The following DNAJB6 variants were observed in gnomAD, a reference collection of about 807,000 sequenced individuals.
DNAJB6 encodes the protein DnaJ heat shock protein family (Hsp40) member B6.
Under a neutral mutation model 42.7 loss-of-function variants are expected in DNAJB6, and 16 were observed. The observed-to-expected ratio is 0.37, with a 90% CI of 0.25 to 0.57. DNAJB6 has a LOEUF of 0.57. Ranked by LOEUF, DNAJB6 falls within the 20% of genes least tolerant of loss-of-function variation. DNAJB6 has a pLI of 0.74. For missense variants in DNAJB6, 347 were observed against 416.8 expected (o/e 0.83, Z 1.46); for synonymous variants, 170 against 163.5 (o/e 1.04, Z -0.30).
At chr7:157,398,614 G>C (rs887763949) in intron 8 of DNAJB6, among the ~76,000 whole-genome samples, 15 of 152,254 alleles carry the variant, frequency 9.9e-5, no homozygotes, top group Admixed American at 8.5e-4. Context: ...GTGTGTTTTT[G>C]GCTTGAGGGG....
intron 8 of DNAJB6, among the ~76,000 whole-genome samples, chr7:157,394,499 A>C (rs1801492643): frequency 6.6e-6 from 1 of 151,672 alleles, no homozygotes; most frequent in South Asian, 2.1e-4. Context: ...ACTGCACTCC[A>C]GTCTGGTGAT....
At chr7:157,369,437 C>T (rs1222862284) in intron 5 of DNAJB6, 1 of 456,432 alleles carries the variant, frequency 2.2e-6, no homozygotes, top group Non-Finnish European at 4.4e-6. Flanking sequence ...AGAAGGCCCG[C>T]TCTTCCAACA....
chr7:157,396,996 T>C (rs1801618349), intron 8 of DNAJB6, among the ~76,000 whole-genome samples: 2 of 152,316 alleles, frequency 1.3e-5, no homozygotes, highest in South Asian at 4.1e-4. Context: ...TGTGCCTCAC[T>C]CCAGGTCCTC....
At chr7:157,342,029 G>C in intron 1 of DNAJB6, among the ~76,000 whole-genome samples, 2 of 152,140 alleles carry the variant, frequency 1.3e-5, no homozygotes, top group South Asian at 4.2e-4. Flanking sequence ...ACTACACCTG[G>C]CTAATTGTTG....
Position 157,409,900 on chromosome 7 carries a change from C to T in DNAJB6, c.797C>T (p.Ala266Val). The T allele has an allele frequency of 2.0e-6, 3 of 1,534,480 alleles. No individual in the cohort carries two copies. Among genetic ancestry groups the T allele is most frequent in the East Asian group, 2.4e-5 (1 of 40,844 alleles). The change falls in exon 9 of 10, where the codon GCC becomes GTC. Residue 266 changes from alanine (A) to valine (V), a missense_variant. Ala to Val is a moderately conservative substitution (Grantham distance 64, BLOSUM62 0). Around this residue, in one of 3 missense-constraint regions of DNAJB6, gnomAD observed 264 missense variants for 288.0 expected, o/e 0.92. Coordinates refer to ENST00000262177, the MANE Select transcript of DNAJB6 (RefSeq NM_058246.4). ...GLRPPKPPRPASLLRHAPHCL... is the reference protein window; with the variant it reads ...GLRPPKPPRPVSLLRHAPHCL... Reference sequence around the variant, plus strand: ...CGCCCGCCGAAGCCGCCCCGGCCTGCCTCGCTGCTGAGACACGCGCCTCAC... The same window carrying T: ...CGCCCGCCGAAGCCGCCCCGGCCTGTCTCGCTGCTGAGACACGCGCCTCAC...
At chr7:157,397,565 C>G (rs749951108) in intron 8 of DNAJB6, among the ~76,000 whole-genome samples, 1 of 152,216 alleles carries the variant, frequency 6.6e-6, no homozygotes, top group African/African-American at 2.4e-5. Flanking sequence ...AGCCTTCGCC[C>G]GTGCTCCGAT....
At chr7:157,390,538 C>T (rs748675364) in intron 8 of DNAJB6, among the ~76,000 whole-genome samples, 26 of 152,180 alleles carry the variant, frequency 1.7e-4, no homozygotes, top group Non-Finnish European at 2.9e-4. Context: ...CCATAGAGAC[C>T]GGAGGTTTTC....
chr7:157,357,136 T>TAA (rs930150582), intron 1 of DNAJB6, among the ~76,000 whole-genome samples: 35 of 140,674 alleles, frequency 2.5e-4, no homozygotes, highest in Non-Finnish European at 4.4e-4. Context: ...CTGTCTCAAT[T>TAA]AAAAAAAAAA....
chr7:157,394,000 G>A (rs549486242), intron 8 of DNAJB6, among the ~76,000 whole-genome samples: 2 of 152,292 alleles, frequency 1.3e-5, no homozygotes, highest in African/African-American at 4.8e-5. Flanking sequence ...CGTGTCTGAA[G>A]GTTTCCAAGT....
In DNAJB6 at chr7:157,410,712, C is replaced by G. The variant is rs1161450823; in HGVS notation, c.898+711C>G. ...GCCTCTTCTGGTTCTTATCACCGCACGCGGTGAGGTGACCCCAGCCGCTCA... is the reference window on the plus strand; with the variant it reads ...GCCTCTTCTGGTTCTTATCACCGCAGGCGGTGAGGTGACCCCAGCCGCTCA... On this transcript the variant is annotated intron_variant, in intron 9 of 9. Coordinates refer to ENST00000262177, the MANE Select transcript of DNAJB6 (RefSeq NM_058246.4). 8 of 152,014 alleles carry G rather than the reference C, an allele frequency of 5.3e-5. No homozygotes were observed. In the East Asian group the frequency reaches 1.5e-3, roughly 29 times the overall value. The allele number at this position is 152,014 out of a possible 1,614,324, so 9.4% of individuals were successfully genotyped here.
chr7:157,373,414 A>G (rs1182965269), intron 5 of DNAJB6, among the ~76,000 whole-genome samples: 2 of 152,092 alleles, frequency 1.3e-5, no homozygotes, highest in Non-Finnish European at 2.9e-5. Flanking sequence ...GCAGTGGCAC[A>G]GTCTCAGCTT....
At chr7:157,398,561 G>A (rs1009723232) in intron 8 of DNAJB6, among the ~76,000 whole-genome samples, 1 of 152,240 alleles carries the variant, frequency 6.6e-6, no homozygotes, top group Non-Finnish European at 1.5e-5. Context: ...ATGCCCGCGC[G>A]GCAGCTGCGG....
At chr7:157,377,153 C>G (rs555302955) in intron 5 of DNAJB6, among the ~76,000 whole-genome samples, 1 of 152,164 alleles carries the variant, frequency 6.6e-6, no homozygotes, top group Non-Finnish European at 1.5e-5. Context: ...ATGTGCTAGA[C>G]TTTCAGTTAA....
At chr7:157,393,317 A>G (rs1289304395) in intron 8 of DNAJB6, among the ~76,000 whole-genome samples, 1 of 152,196 alleles carries the variant, frequency 6.6e-6, no homozygotes, top group Non-Finnish European at 1.5e-5. Context: ...CATATTTTTT[A>G]CAATTGGAAA....
intron 8 of DNAJB6, among the ~76,000 whole-genome samples, chr7:157,402,628 G>T (rs4716718): frequency 0.22 from 33,186 of 152,184 alleles, 5,034 homozygotes; most frequent in African/African-American, 0.43. Context: ...CCAGGGGAGG[G>T]CTGTGGGAGT....
chr7:157,365,386 C>T (rs998550852), intron 3 of DNAJB6, among the ~76,000 whole-genome samples: 5 of 152,244 alleles, frequency 3.3e-5, no homozygotes, highest in Non-Finnish European at 5.9e-5. Flanking sequence ...GAGGGGCACA[C>T]TAGCCCCAGG....
In DNAJB6 at chr7:157,416,250, A is replaced by G. The variant is rs1796105412; in HGVS notation, c.*152A>G. On this transcript the variant is annotated 3_prime_UTR_variant, in exon 10 of 10. Coordinates refer to ENST00000262177, the MANE Select transcript of DNAJB6 (RefSeq NM_058246.4). ...GATTATGCGATCACGGATCAGTCAG[A>G]GCAGGGTCAGGAGACGGGGCTGACG... 1.5e-6 allele frequency: 2 copies of G among 1,300,446 alleles called. No individual in the cohort carries two copies. The highest frequency in any genetic ancestry group is 1.0e-6 in the Non-Finnish European group (1 of 952,412). 80.6% of individuals were successfully genotyped at this position (1,300,446 alleles called of 1,614,324 possible). A position where few individuals can be genotyped will look rare whatever the true frequency, so the allele number is the denominator to read the frequency against.
intron 8 of DNAJB6, among the ~76,000 whole-genome samples, chr7:157,387,626 A>AT (rs1421236985): frequency 6.6e-5 from 10 of 152,304 alleles, no homozygotes; most frequent in East Asian, 1.9e-4. Flanking sequence ...ACTAGGAAGC[A>AT]TTTTGCTATA....
intron 8 of DNAJB6, among the ~76,000 whole-genome samples, chr7:157,406,658 C>G (rs1216315585): frequency 6.6e-6 from 1 of 152,198 alleles, no homozygotes; most frequent in East Asian, 1.9e-4. Context: ...CCTTTCTCCC[C>G]CAGTCACTCC....
Sources: gnomAD v4.1 joint callset for allele counts (sites outside exome capture counted in the v4.1 genomes callset) on GRCh38, gnomAD v4.1.1 for gene constraint, gnomAD v4.1.1 regional missense constraint, MANE v1.5 for transcripts, NCBI Gene and HGNC (gene_info 2026-07-23, HGNC 2026-07-21) for gene names.